ZNF420: variants seen among roughly 807,000 people sequenced by gnomAD.
ZNF420 encodes ATM and p53-associated KZNF protein.
Under a neutral mutation model 44.7 loss-of-function variants are expected in ZNF420, and 31 were observed. The observed-to-expected ratio is 0.69, with a 90% CI of 0.52 to 0.94. ZNF420 has a LOEUF of 0.94. Among genes scored for constraint, ZNF420 ranks in the 40% least tolerant of loss-of-function variants. ZNF420 has a pLI of 0.00. For missense variants in ZNF420, 681 were observed against 827.9 expected (o/e 0.82, Z 2.18); for synonymous variants, 245 against 267.4 (o/e 0.92, Z 0.82).
chr19:37,101,121 T>G (rs1410104189), intron 4 of ZNF420, among the ~76,000 whole-genome samples: 1 of 152,150 alleles, frequency 6.6e-6, no homozygotes, highest in Non-Finnish European at 1.5e-5. Flanking sequence ...CCTTATTTTG[T>G]TCATTTGTTG....
chr19:37,110,211 C>T (rs995930355), intron 4 of ZNF420, among the ~76,000 whole-genome samples: 12 of 152,306 alleles, frequency 7.9e-5, no homozygotes, highest in African/African-American at 2.6e-4. Flanking sequence ...TACATGAACA[C>T]ATGATAATCT....
At chr19:37,069,267 AG>A (rs1351077538) in intron 1 of ZNF420, among the ~76,000 whole-genome samples, 1 of 152,218 alleles carries the variant, frequency 6.6e-6, no homozygotes, top group Non-Finnish European at 1.5e-5. Context: ...TGCCCACAAA[AG>A]TAGCTATGTT....
At position 37,129,259 on chromosome 19, in the gene ZNF420, G is replaced by T. The variant is rs1157195241; in HGVS notation, c.*201G>T. The T allele has an allele frequency of 4.9e-6, 3 of 614,772 alleles. No homozygotes were observed. In the East Asian group the frequency reaches 8.5e-5, roughly 17 times the overall value. The allele number at this position is 614,772 out of a possible 1,614,324, so 38.1% of individuals were successfully genotyped here. A position where few individuals can be genotyped will look rare whatever the true frequency, so the allele number is the denominator to read the frequency against. ...TTAAACATTAGCAAATTGGAGAATA[G>T]TTTTAATATAGTAAATGTAGGAAGC... On this transcript the variant is annotated 3_prime_UTR_variant, in exon 5 of 5. Coordinates refer to ENST00000337995, the MANE Select transcript of ZNF420 (RefSeq NM_144689.5).
chr19:37,103,856 AC>A (rs1276570569), intron 4 of ZNF420, among the ~76,000 whole-genome samples: 1 of 152,138 alleles, frequency 6.6e-6, no homozygotes, highest in Non-Finnish European at 1.5e-5. Context: ...AAAAAACAAA[AC>A]CAAATATTTT....
intron 1 of ZNF420, among the ~76,000 whole-genome samples, chr19:37,064,754 A>T (rs1313346486): frequency 6.6e-6 from 1 of 152,206 alleles, no homozygotes; most frequent in Non-Finnish European, 1.5e-5. Flanking sequence ...ATGTATGCCT[A>T]GCTTGCTCAG....
rs1487780794 is a variant in ZNF420, at chr19:37,087,275, CCT to C, written c.-80-1763_-80-1762del. Among the ~76,000 whole-genome samples, 22 of 85,474 alleles carry C rather than the reference CCT, an allele frequency of 2.6e-4. No homozygotes were observed. The Admixed American group carries it at 2.7e-3, about 10-fold the overall frequency. The allele number at this position is 85,474 out of a possible 152,430, so 56.1% of individuals were successfully genotyped here. Reference sequence around the variant, plus strand: ...ACTCCAGCTTGGTTGAGAGTGAGACCCTGTCTCAAAAAAAAAAATAAATAAAT... The same window carrying C: ...ACTCCAGCTTGGTTGAGAGTGAGACCGTCTCAAAAAAAAAAATAAATAAAT... On this transcript the variant is annotated intron_variant, in intron 2 of 4. Transcript: ENST00000337995.
At position 37,127,220 on chromosome 19, in the gene ZNF420, G is replaced by T. The variant is rs1301778450; in HGVS notation, c.229G>T (p.Glu77Ter). The T allele has an allele frequency of 1.9e-6, 3 of 1,607,664 alleles. No individual in the cohort carries two copies. Among genetic ancestry groups the T allele is most frequent in the Non-Finnish European group, 2.5e-6 (3 of 1,177,166 alleles). ...LSQWEMSDRL[E>*]NCDLEESNSR... ...CCAATGGGAAATGAGTGACAGACTT[G>T]AAAACTGTGATCTTGAAGAGTCCAA... The change falls in exon 5 of 5, where the codon GAA becomes TAA. Residue 77 changes from glutamate (E) to a stop codon, truncating the protein, a stop_gained. Transcript: ENST00000337995. LOFTEE classifies it low-confidence loss of function (END_TRUNC).
intron 1 of ZNF420, among the ~76,000 whole-genome samples, chr19:37,041,672 G>C (rs1458013886): frequency 2.6e-5 from 4 of 152,104 alleles, no homozygotes; most frequent in African/African-American, 9.7e-5. Context: ...AACATTGGAA[G>C]ATCCTTAAAA....
chr19:37,017,335 T>C (rs1053023551), intron 1 of ZNF420, among the ~76,000 whole-genome samples: 3 of 152,152 alleles, frequency 2.0e-5, no homozygotes, highest in African/African-American at 2.4e-5. Flanking sequence ...GGATGCCCAA[T>C]TGGTGTGCAC....
upstream of ZNF420, among the ~76,000 whole-genome samples, chr19:37,076,496 ATATATCTCCTAATGCTAC>A (rs1968157167): frequency 6.6e-6 from 1 of 151,954 alleles, no homozygotes; most frequent in Admixed American, 6.6e-5. Flanking sequence ...TTTACATTAG[ATATATCTCCTAATGCTAC>A]CCCTCCCCCT....
chr19:37,088,348 A>G (rs1349126032), intron 2 of ZNF420, among the ~76,000 whole-genome samples: 2 of 152,166 alleles, frequency 1.3e-5, no homozygotes, highest in Non-Finnish European at 2.9e-5. Flanking sequence ...CTACTTTCCT[A>G]TTATTGGATG....
Position 37,030,174 on chromosome 19 carries a change from TTG to T in ZNF420, c.-125+22094_-125+22095del, listed in dbSNP as rs1470429058. ...GTTTTTGTTGTTGTTGTTGTTGTTG[TTG>T]TTTGAGAGGGAGTCTCGCTCTGTCG... On this transcript the variant is annotated intron_variant, in intron 1 of 4. Coordinates refer to the ZNF420 transcript ENST00000587029. Among the ~76,000 whole-genome samples, 12 of 152,278 alleles carry T rather than the reference TTG, an allele frequency of 7.9e-5. No individual in the cohort carries two copies. In the East Asian group the frequency reaches 9.6e-4, roughly 12 times the overall value.
intron 1 of ZNF420, among the ~76,000 whole-genome samples, chr19:37,016,831 C>G (rs954235616): frequency 6.6e-6 from 1 of 152,134 alleles, no homozygotes; most frequent in African/African-American, 2.4e-5. Flanking sequence ...TAGCCAGGCT[C>G]TATGGGACTT....
chr19:37,053,527 G>A (rs145061789), intron 1 of ZNF420, among the ~76,000 whole-genome samples: 2,179 of 152,246 alleles, frequency 0.014, 53 homozygotes, highest in African/African-American at 0.049. Context: ...GTGACATACC[G>A]ATGGGGTTTT....
At chr19:37,079,662 A>G (rs1170039618) in intron 1 of ZNF420, among the ~76,000 whole-genome samples, 2 of 152,148 alleles carry the variant, frequency 1.3e-5, no homozygotes, top group Non-Finnish European at 2.9e-5. Flanking sequence ...GATGAATAGG[A>G]GTTATTTGCA....
At chr19:37,087,987 G>C (rs950533255) in intron 2 of ZNF420, among the ~76,000 whole-genome samples, 1 of 152,138 alleles carries the variant, frequency 6.6e-6, no homozygotes, top group Admixed American at 6.5e-5. Context: ...ATCTAGGTTA[G>C]AGATTACCCA....
intron 1 of ZNF420, among the ~76,000 whole-genome samples, chr19:37,072,322 G>A (rs2146456127): frequency 6.6e-6 from 1 of 152,274 alleles, no homozygotes; most frequent in African/African-American, 2.4e-5. Flanking sequence ...TCCTAGGAAG[G>A]GCTAAAGAAA....
chr19:37,064,052 G>A (rs938590531), intron 1 of ZNF420, among the ~76,000 whole-genome samples: 1 of 152,088 alleles, frequency 6.6e-6, no homozygotes, highest in Non-Finnish European at 1.5e-5. Flanking sequence ...ATAAGGTTCC[G>A]AGTTGTAGAA....
intron 4 of ZNF420, among the ~76,000 whole-genome samples, chr19:37,118,537 A>C (rs1258337946): frequency 1.3e-5 from 2 of 151,216 alleles, no homozygotes; most frequent in Admixed American, 1.3e-4. Context: ...AAAGACCATC[A>C]AGGCTGGGAA....
Sources: gnomAD v4.1 joint callset for allele counts (sites outside exome capture counted in the v4.1 genomes callset) on GRCh38, gnomAD v4.1.1 for gene constraint, MANE v1.5 for transcripts, NCBI Gene and HGNC (gene_info 2026-07-23, HGNC 2026-07-21) for gene names.